Variants in OPCML observed in about 807,000 individuals in gnomAD.
OPCML encodes the protein opioid-binding protein/cell adhesion molecule.
A neutral mutation model predicts 37.8 loss-of-function variants in OPCML; 13 were observed. The ratio of observed to expected loss-of-function variants is 0.34; its 90% CI spans 0.22 to 0.55. OPCML has a LOEUF of 0.55. Among genes scored for constraint, OPCML ranks in the 20% least tolerant of loss-of-function variants. The pLI, the probability that OPCML is intolerant of heterozygous loss-of-function variation, is 0.91. For synonymous variants in OPCML, 176 were observed against 168.8 expected, an observed-to-expected ratio of 1.04 and a Z score of -0.33; for missense variants, 341 against 435.6, an observed-to-expected ratio of 0.78 and a Z score of 1.93.
At chr11:133,222,986 C>G (rs1285075626) in intron 1 of OPCML, among the ~76,000 whole-genome samples, 1 of 152,144 alleles carries the variant, frequency 6.6e-6, no homozygotes, top group Non-Finnish European at 1.5e-5. Context: ...CTTGCAGAAT[C>G]CCACATCTCC....
chr11:132,976,127 G>T (rs1439016869), intron 1 of OPCML, among the ~76,000 whole-genome samples: 1 of 152,100 alleles, frequency 6.6e-6, no homozygotes, highest in Non-Finnish European at 1.5e-5. Context: ...TACTTATCTG[G>T]TCATGATAGA....
chr11:132,999,816 T>C (rs1049514365), intron 1 of OPCML, among the ~76,000 whole-genome samples: 1 of 152,068 alleles, frequency 6.6e-6, no homozygotes, highest in Non-Finnish European at 1.5e-5. Flanking sequence ...GGCAACGTTG[T>C]GGAAAGGCGA....
intron 1 of OPCML, among the ~76,000 whole-genome samples, chr11:133,074,932 CCT>C (rs1018694933): frequency 1.6e-4 from 24 of 152,248 alleles, no homozygotes; most frequent in African/African-American, 5.8e-4. Flanking sequence ...GACGCCCACC[CCT>C]GTCTGTCCAC....
chr11:133,059,590 A>T (rs1419676573), intron 1 of OPCML, among the ~76,000 whole-genome samples: 3 of 152,158 alleles, frequency 2.0e-5, no homozygotes, highest in Non-Finnish European at 4.4e-5. Flanking sequence ...ACAAAGAAAC[A>T]CTTGATTTTA....
chr11:132,942,963 T>G lies in OPCML; in HGVS notation c.109A>C (p.Asn37His). The G allele has an allele frequency of 6.2e-7, 1 of 1,614,102 alleles. No individual in the cohort carries two copies. Among genetic ancestry groups the G allele is most frequent in the Non-Finnish European group, 8.5e-7 (1 of 1,179,996 alleles). ...GDATFPKAMD[N>H]VTVRQGESAT... ...CTCTCCCCCTGCCGGACCGTCACGTTGTCCATAGCTTTGGGGAAGGTGGCA... is the reference window on the plus strand; with the variant it reads ...CTCTCCCCCTGCCGGACCGTCACGTGGTCCATAGCTTTGGGGAAGGTGGCA... The change falls in exon 2 of 8, where the codon AAC (asparagine) becomes CAC (histidine). Residue 37 changes from asparagine to histidine, a missense_variant. Transcript: ENST00000524381.
At position 132,684,054 on chromosome 11, in the gene OPCML, T is replaced by C. The variant is rs547457442; in HGVS notation, c.147-26735A>G. On this transcript the variant is annotated intron_variant, in intron 2 of 7. Transcript: ENST00000524381. ...TTTGTTACACACCAAAAATACAATATTGTTTATGTTAAAAAATCCCTTTTG... is the reference window on the plus strand; with the variant it reads ...TTTGTTACACACCAAAAATACAATACTGTTTATGTTAAAAAATCCCTTTTG... Among the ~76,000 whole-genome samples the C allele has an allele frequency of 8.5e-5, 13 of 152,272 alleles. No individual in the cohort carries two copies. The East Asian group carries it at 2.1e-3, about 25-fold the overall frequency.
intron 3 of OPCML, among the ~76,000 whole-genome samples, chr11:132,604,901 G>A (rs1314372216): frequency 6.6e-6 from 1 of 152,130 alleles, no homozygotes; most frequent in East Asian, 1.9e-4. Context: ...ATGCTGTGGA[G>A]GCTTAAATCT....
Position 132,513,481 on chromosome 11 carries a change from T to C in OPCML, c.505+15580A>G, listed in dbSNP as rs189368624. On this transcript the variant is annotated intron_variant, in intron 4 of 7. Transcript: ENST00000524381. ...AAACTTGTTTCCATGGAAAGCAGTG[T>C]CATAATGGGACCATCAACAAATGAG... 5.3e-5 allele frequency among the ~76,000 whole-genome samples: 8 copies of C among 152,318 alleles called. No homozygotes were observed. The East Asian group carries it at 1.5e-3, about 29-fold the overall frequency.
chr11:132,903,994 TTA>T (rs1944149526), intron 2 of OPCML, among the ~76,000 whole-genome samples: 1 of 152,242 alleles, frequency 6.6e-6, no homozygotes, highest in Non-Finnish European at 1.5e-5. Context: ...ACATATTATC[TTA>T]TAACCCCTGA....
intron 1 of OPCML, among the ~76,000 whole-genome samples, chr11:133,272,873 G>A (rs571677480): frequency 5.6e-4 from 86 of 152,334 alleles, no homozygotes; most frequent in Non-Finnish European, 9.8e-4. Context: ...TCTACGAAGT[G>A]AGGAGTCAGC....
chr11:133,195,290 T>A (rs1401813948), intron 1 of OPCML, among the ~76,000 whole-genome samples: 1 of 152,120 alleles, frequency 6.6e-6, no homozygotes, highest in Non-Finnish European at 1.5e-5. Context: ...TCCATAGAAG[T>A]CTCCTCCTGT....
At chr11:133,271,764 T>C (rs754558901) in intron 1 of OPCML, among the ~76,000 whole-genome samples, 2 of 152,252 alleles carry the variant, frequency 1.3e-5, no homozygotes, top group African/African-American at 2.4e-5. Flanking sequence ...TATGCCAGCA[T>C]AAAATTGCAC....
intron 1 of OPCML, among the ~76,000 whole-genome samples, chr11:133,213,059 A>G (rs1433858605): frequency 6.6e-6 from 1 of 152,284 alleles, no homozygotes. Flanking sequence ...CACCTCCAGT[A>G]GCTGCCGCTA....
Position 133,319,899 on chromosome 11 carries a change from A to G in OPCML, c.61+212365T>C, listed in dbSNP as rs141178625. Among the ~76,000 whole-genome samples the G allele has an allele frequency of 6.6e-3, 1,006 of 152,342 alleles. 2 individuals carry two copies. The highest frequency in any genetic ancestry group is 0.014 in the Middle Eastern group (4 of 294). ...GCCTAATTTATTTGAGTAGTTCAGA[A>G]AAAACAGAATTTTTTGGAATTTCCA... On this transcript the variant is annotated intron_variant, in intron 1 of 7. Coordinates refer to ENST00000524381, the MANE Select transcript of OPCML (RefSeq NM_001012393.5).
chr11:133,305,686 T>C (rs1439640300), intron 1 of OPCML, among the ~76,000 whole-genome samples: 2 of 152,224 alleles, frequency 1.3e-5, no homozygotes, highest in African/African-American at 2.4e-5. Context: ...ATCTGCTCTC[T>C]TCTTCCCTGA....
At chr11:132,866,883 T>A (rs996778645) in intron 2 of OPCML, among the ~76,000 whole-genome samples, 7 of 152,208 alleles carry the variant, frequency 4.6e-5, no homozygotes, top group African/African-American at 1.7e-4. Context: ...AGTCCCTTGA[T>A]CTTCCTTCTG....
intron 1 of OPCML, among the ~76,000 whole-genome samples, chr11:133,329,865 G>T (rs1943575979): frequency 6.6e-6 from 1 of 152,168 alleles, no homozygotes; most frequent in African/African-American, 2.4e-5. Context: ...AAGAGCTTCT[G>T]CACAGCAAAA....
At chr11:133,012,702 C>G (rs1591910404) in intron 1 of OPCML, among the ~76,000 whole-genome samples, 1 of 152,002 alleles carries the variant, frequency 6.6e-6, no homozygotes, top group African/African-American at 2.4e-5. Context: ...ATGGAGAAAC[C>G]CCATCTCTAC....
At chr11:132,548,038 C>G (rs1404182083) in intron 3 of OPCML, among the ~76,000 whole-genome samples, 2 of 152,068 alleles carry the variant, frequency 1.3e-5, no homozygotes, top group African/African-American at 4.8e-5. Context: ...TGGAGAGTGC[C>G]TGAAGCAGAA....
Sources: allele counts gnomAD v4.1 joint callset (sites outside exome capture counted in the v4.1 genomes callset), GRCh38; gene constraint gnomAD v4.1.1; transcripts MANE v1.5; gene names NCBI Gene and HGNC (gene_info 2026-07-23, HGNC 2026-07-21).